The following CAPS2 variants were observed in gnomAD, a reference collection of about 807,000 sequenced individuals.
The protein encoded by CAPS2 is calcyphosin-2.
A neutral mutation model predicts 86.5 loss-of-function variants in CAPS2; 98 were observed. That is an observed-to-expected ratio of 1.13 (90% confidence interval 0.96 to 1.34). CAPS2 has a LOEUF of 1.34. Among genes scored for constraint, CAPS2 ranks in the 40% most tolerant of loss-of-function variants. CAPS2 has a pLI of 0.00. For synonymous variants in CAPS2, 210 were observed against 225.1 expected (o/e 0.93, Z 0.60); for missense variants, 729 against 686.8 (o/e 1.06, Z -0.69).
At chr12:75,293,112 T>C in intron 12 of CAPS2, 137 bp downstream of exon 12, 1 of 602,306 alleles carries the variant, frequency 1.7e-6, no homozygotes. Context: ...AAAAAAGACA[T>C]ACGTAGCTAT....
At chr12:75,344,376 T>A (rs1000951204) in intron 1 of CAPS2, among the ~76,000 whole-genome samples, 3 of 152,158 alleles carry the variant, frequency 2.0e-5, no homozygotes, top group Non-Finnish European at 2.9e-5. Context: ...ATCTTTAAGT[T>A]TGCTAATCTA....
chr12:75,326,204 A>G (rs1028802446), intron 1 of CAPS2, among the ~76,000 whole-genome samples: 20 of 152,134 alleles, frequency 1.3e-4, no homozygotes, highest in African/African-American at 4.3e-4. Context: ...CAATAATAAT[A>G]CAATAAGTTT....
At chr12:75,363,068 C>A in intron 1 of CAPS2, 2 of 1,110,738 alleles carry the variant, frequency 1.8e-6, no homozygotes, top group Non-Finnish European at 2.6e-6. Context: ...AAATTAACAG[C>A]CATTTGGCTA....
At chr12:75,384,759 A>T (rs1001399650) in intron 1 of CAPS2, among the ~76,000 whole-genome samples, 2 of 152,210 alleles carry the variant, frequency 1.3e-5, no homozygotes. Flanking sequence ...CCCCAACAAG[A>T]TACTAAGCAA....
At chr12:75,384,973 T>C (rs1174651607) in intron 1 of CAPS2, among the ~76,000 whole-genome samples, 1 of 152,206 alleles carries the variant, frequency 6.6e-6, no homozygotes, top group Non-Finnish European at 1.5e-5. Flanking sequence ...ATTCATAGAT[T>C]AATGGATTAA....
At chr12:75,308,843 C>T (rs1338015179) in intron 7 of CAPS2, among the ~76,000 whole-genome samples, 1 of 141,322 alleles carries the variant, frequency 7.1e-6, no homozygotes, top group African/African-American at 2.7e-5. Context: ...AAGGCGCTTG[C>T]AGTGAGCCGA....
intron 1 of CAPS2, among the ~76,000 whole-genome samples, chr12:75,382,060 A>G (rs892744613): frequency 1.1e-4 from 16 of 152,022 alleles, no homozygotes; most frequent in African/African-American, 3.4e-4. Flanking sequence ...TGTGTGGATC[A>G]TTTTGCTTTT....
chr12:75,334,723 C>A (rs369697893), upstream of CAPS2: 21 of 1,611,566 alleles, frequency 1.3e-5, no homozygotes, highest in African/African-American at 1.7e-4. Flanking sequence ...TCCTCCACAT[C>A]CTTCCATGGC....
At chr12:75,329,195 A>G (rs1444787630), upstream of CAPS2, among the ~76,000 whole-genome samples, 4 of 152,228 alleles carry the variant, frequency 2.6e-5, no homozygotes, top group Non-Finnish European at 5.9e-5. Context: ...TGTAGGGACT[A>G]AAAAATTAGA....
intron 5 of CAPS2, chr12:75,318,204 C>T (rs2039967578): frequency 6.6e-6 from 1 of 152,054 alleles, no homozygotes; most frequent in Non-Finnish European, 1.5e-5. Context: ...TCTTCTTAGC[C>T]CTACCTTCAG....
downstream of CAPS2, chr12:75,276,043 T>C: frequency 3.2e-6 from 2 of 631,404 alleles, no homozygotes; most frequent in Non-Finnish European, 4.9e-6. Flanking sequence ...CAGAAGTTTA[T>C]AGAACTTTAA....
At chr12:75,377,664 C>T (rs1026420371) in intron 1 of CAPS2, among the ~76,000 whole-genome samples, 1 of 152,082 alleles carries the variant, frequency 6.6e-6, no homozygotes, top group Non-Finnish European at 1.5e-5. Context: ...TGCTTTATTC[C>T]AGCCACAGTG....
At chr12:75,342,048 T>C (rs2042159469) in intron 1 of CAPS2, among the ~76,000 whole-genome samples, 1 of 152,122 alleles carries the variant, frequency 6.6e-6, no homozygotes, top group South Asian at 2.1e-4. Context: ...TGGCCACCTA[T>C]TTATACAACA....
At chr12:75,305,706 C>G (rs566473224) in intron 7 of CAPS2, 1 of 667,260 alleles carries the variant, frequency 1.5e-6, no homozygotes, top group African/African-American at 1.8e-5. Flanking sequence ...CTGCAGAAGG[C>G]GCACGACGAG....
At chr12:75,288,442 G>GA (rs2035283043) in intron 14 of CAPS2, among the ~76,000 whole-genome samples, 1 of 152,118 alleles carries the variant, frequency 6.6e-6, no homozygotes. Context: ...AAAGTTAAAA[G>GA]ACTGGTCCAA....
At chr12:75,383,380 T>G (rs535663105) in intron 1 of CAPS2, among the ~76,000 whole-genome samples, 2 of 152,248 alleles carry the variant, frequency 1.3e-5, no homozygotes, top group South Asian at 4.2e-4. Context: ...GAAACCAAGA[T>G]AGCTATATTA....
upstream of CAPS2, among the ~76,000 whole-genome samples, chr12:75,332,859 TA>T (rs1202322892): frequency 2.0e-5 from 3 of 151,734 alleles, no homozygotes; most frequent in African/African-American, 7.3e-5. Flanking sequence ...TGAAGAAAAA[TA>T]AAACAGGTTA....
intron 1 of CAPS2, among the ~76,000 whole-genome samples, chr12:75,351,383 A>C (rs970167267): frequency 1.3e-5 from 2 of 152,202 alleles, no homozygotes; most frequent in Admixed American, 6.5e-5. Context: ...ACACATAATC[A>C]TCAGATTCTC....
chr12:75,303,285 A>G (rs1310335657), intron 8 of CAPS2, among the ~76,000 whole-genome samples: 1 of 152,260 alleles, frequency 6.6e-6, no homozygotes, highest in Non-Finnish European at 1.5e-5. Context: ...CATGTTGTAC[A>G]TCTTATATAC....
Sources: allele counts gnomAD v4.1 joint callset (sites outside exome capture counted in the v4.1 genomes callset), GRCh38; gene constraint gnomAD v4.1.1; transcripts MANE v1.5; gene names NCBI Gene and HGNC (gene_info 2026-07-23, HGNC 2026-07-21).